The following NIM1K variants were observed in gnomAD, a reference collection of about 807,000 sequenced individuals.
NIM1K encodes the protein serine/threonine-protein kinase NIM1.
NIM1K carries 35 observed loss-of-function variants against 37.1 expected under a neutral mutation model. The ratio of observed to expected loss-of-function variants is 0.94; its 90% CI spans 0.72 to 1.25. The LOEUF (loss-of-function observed/expected upper bound fraction) is 1.25. Ranked by LOEUF, NIM1K falls within the 50% of genes most tolerant of loss-of-function variation. The pLI is 0.00. For synonymous variants in NIM1K, 234 were observed against 206.6 expected (o/e 1.13, Z -1.14); for missense variants, 564 against 548.0 (o/e 1.03, Z -0.29).
Position 43,271,189 on chromosome 5 carries a change from A to T in NIM1K, c.293-5868A>T, listed in dbSNP as rs151338546. ...CAAAAATAATAATAGCATGCTTCTT[A>T]CTGCCCTTAATGTGAAATGACTCAC... On this transcript the variant is annotated intron_variant, in intron 2 of 3. Coordinates refer to ENST00000326035, the MANE Select transcript of NIM1K (RefSeq NM_153361.4). Among the ~76,000 whole-genome samples the T allele has an allele frequency of 2.9e-3, 448 of 151,960 alleles. 1 individual carries two copies. Among genetic ancestry groups the T allele is most frequent in the African/African-American group, 0.01 (434 of 41,456 alleles).
At chr5:43,276,274 T>C (rs1753338955) in intron 2 of NIM1K, among the ~76,000 whole-genome samples, 1 of 152,226 alleles carries the variant, frequency 6.6e-6, no homozygotes, top group Admixed American at 6.5e-5. Flanking sequence ...TGGCATCTGC[T>C]TCTGTAGAGG....
At chr5:43,210,173 G>A (rs1752183242) in intron 1 of NIM1K, among the ~76,000 whole-genome samples, 1 of 151,646 alleles carries the variant, frequency 6.6e-6, no homozygotes, top group African/African-American at 2.4e-5. Flanking sequence ...GAGGGGAAGG[G>A]AGGAGAGAGG....
chr5:43,243,268 C>T (rs1039012187), intron 1 of NIM1K, among the ~76,000 whole-genome samples: 7 of 152,148 alleles, frequency 4.6e-5, no homozygotes, highest in Non-Finnish European at 8.8e-5. Context: ...TTTCTTTTTC[C>T]TTAGGTTAAG....
chr5:43,236,935 CT>C (rs1285490414), intron 1 of NIM1K, among the ~76,000 whole-genome samples: 1 of 152,204 alleles, frequency 6.6e-6, no homozygotes, highest in Non-Finnish European at 1.5e-5. Context: ...GCATGGGGAT[CT>C]TGACATGTGT....
chr5:43,231,721 C>A, intron 1 of NIM1K: 1 of 743,134 alleles, frequency 1.3e-6, no homozygotes, highest in Admixed American at 2.0e-5. Flanking sequence ...TACACTGCTA[C>A]ATAAAAATTA....
chr5:43,197,424 C>T (rs147327828), intron 1 of NIM1K, among the ~76,000 whole-genome samples: 9,912 of 152,168 alleles, frequency 0.065, 636 homozygotes, highest in African/African-American at 0.17. Flanking sequence ...GGATTACAGG[C>T]GTGAGCCACC....
chr5:43,231,887 GGC>G, intron 1 of NIM1K: 1 of 1,112,080 alleles, frequency 9.0e-7, no homozygotes, highest in Non-Finnish European at 1.3e-6. Context: ...CCTTCTCAAG[GGC>G]AGTCATGTCC....
chr5:43,207,714 A>G, intron 1 of NIM1K: 1 of 498,012 alleles, frequency 2.0e-6, no homozygotes, highest in South Asian at 1.8e-5. Context: ...TGCTCTATGA[A>G]GAATTGTTCT....
At chr5:43,213,757 A>G (rs927765002) in intron 1 of NIM1K, among the ~76,000 whole-genome samples, 1 of 151,920 alleles carries the variant, frequency 6.6e-6, no homozygotes, top group East Asian at 1.9e-4. Flanking sequence ...TGGCCTCCCA[A>G]AGTGCTGGGA....
At chr5:43,222,701 T>A (rs1020487140) in intron 1 of NIM1K, among the ~76,000 whole-genome samples, 1 of 150,932 alleles carries the variant, frequency 6.6e-6, no homozygotes, top group African/African-American at 2.4e-5. Context: ...GCTACTGTAC[T>A]CCAACCTGGG....
At chr5:43,275,205 C>T (rs79238596) in intron 2 of NIM1K, among the ~76,000 whole-genome samples, 1 of 152,118 alleles carries the variant, frequency 6.6e-6, no homozygotes, top group Non-Finnish European at 1.5e-5. Context: ...AAATGTGTAT[C>T]TGTATTTTTC....
chr5:43,203,518 A>G (rs1242072073), intron 1 of NIM1K, among the ~76,000 whole-genome samples: 1 of 152,084 alleles, frequency 6.6e-6, no homozygotes, highest in East Asian at 1.9e-4. Context: ...CTGTCCATAA[A>G]TCTTCCACCA....
At chr5:43,232,489 A>G (rs1399336482) in intron 1 of NIM1K, 1 of 1,515,536 alleles carries the variant, frequency 6.6e-7, no homozygotes, top group Non-Finnish European at 9.2e-7. Context: ...CTATCAACCT[A>G]TTCAGTTTAG....
At chr5:43,239,629 T>G (rs575658876) in intron 1 of NIM1K, among the ~76,000 whole-genome samples, 10 of 151,862 alleles carry the variant, frequency 6.6e-5, no homozygotes, top group Non-Finnish European at 1.2e-4. Context: ...CAGGTTCAAG[T>G]GATTCTCCTG....
chr5:43,219,900 T>C (rs989227220), intron 1 of NIM1K, among the ~76,000 whole-genome samples: 3 of 152,100 alleles, frequency 2.0e-5, no homozygotes, highest in African/African-American at 7.2e-5. Context: ...CTAATTTTTC[T>C]ATTTTTAATA....
rs527755617 is a variant in NIM1K at position 43,238,683 on chromosome 5, G to A, written c.-694-6399G>A. On this transcript the variant is annotated intron_variant, in intron 1 of 3. Coordinates refer to ENST00000326035, the MANE Select transcript of NIM1K (RefSeq NM_153361.4). ...GAAACTGGCACTTGGAGGATTGTGC[G>A]GTAGATGGCTATGTGGCTTTCTTGA... Among the ~76,000 whole-genome samples, 3 of 151,958 alleles carry A rather than the reference G, an allele frequency of 2.0e-5. No individual in the cohort carries two copies. In the East Asian group the frequency reaches 5.8e-4, roughly 29 times the overall value.
At chr5:43,253,883 G>A (rs192690415) in intron 2 of NIM1K, among the ~76,000 whole-genome samples, 1 of 152,106 alleles carries the variant, frequency 6.6e-6, no homozygotes, top group East Asian at 1.9e-4. Context: ...GGCTGGTCTC[G>A]AATTCCTGAC....
At chr5:43,207,589 C>G (rs572382064) in intron 1 of NIM1K, 3 of 673,950 alleles carry the variant, frequency 4.5e-6, no homozygotes, top group South Asian at 4.1e-5. Flanking sequence ...ATCTTGACCT[C>G]TCAATGAAAG....
intron 1 of NIM1K, among the ~76,000 whole-genome samples, chr5:43,205,924 G>T (rs10461739): frequency 6.6e-6 from 1 of 152,052 alleles, no homozygotes; most frequent in East Asian, 1.9e-4. Context: ...GTGTTAGCCA[G>T]GATGGTCTCG....
Sources: gnomAD v4.1 joint callset for allele counts (sites outside exome capture counted in the v4.1 genomes callset) on GRCh38, gnomAD v4.1.1 for gene constraint, MANE v1.5 for transcripts, NCBI Gene and HGNC (gene_info 2026-07-23, HGNC 2026-07-21) for gene names.